RFPL1: variants seen among roughly 807,000 people sequenced by gnomAD.
RFPL1 encodes ret finger protein-like 1.
Under a neutral mutation model 9.6 loss-of-function variants are expected in RFPL1, and 6 were observed. The observed-to-expected ratio is 0.62, with a 90% CI of 0.34 to 1.23. The LOEUF (loss-of-function observed/expected upper bound fraction) is 1.23, where lower values mean the gene tolerates loss of function less well. RFPL1 is among the 50% of genes most tolerant of loss of function. The pLI is 0.03. For missense variants in RFPL1, 352 were observed against 398.4 expected (o/e 0.88, Z 0.99); for synonymous variants, 145 against 149.4 (o/e 0.97, Z 0.22).
chr22:29,411,918 G>T, the RFPL1 span, among the ~76,000 whole-genome samples: 1 of 152,212 alleles, frequency 6.6e-6, no homozygotes, highest in Non-Finnish European at 1.5e-5. Context: ...GTTTCACCAT[G>T]TTGGCCAGGC....
At chr22:29,433,049 C>T in the RFPL1 span, 1 of 152,166 alleles carries the variant, frequency 6.6e-6, no homozygotes, top group African/African-American at 2.4e-5. Flanking sequence ...AATCCCAGCA[C>T]TTTGGGAGTC....
At chr22:29,436,366 G>A (rs144466496), upstream of RFPL1, among the ~76,000 whole-genome samples, 398 of 152,060 alleles carry the variant, frequency 2.6e-3, 9 homozygotes, top group East Asian at 0.06. Flanking sequence ...CGAGGCAGGC[G>A]GGTTACCTGA....
the RFPL1 span, among the ~76,000 whole-genome samples, chr22:29,424,509 G>T: frequency 1.3e-5 from 2 of 152,096 alleles, no homozygotes; most frequent in South Asian, 4.2e-4. Flanking sequence ...TGCATAATTT[G>T]CCCAAGGTCA....
rs73405050 is a variant in RFPL1, at chr22:29,439,198, G to A, written c.373+34G>A. 3,190 of 1,588,958 alleles carry A rather than the reference G, an allele frequency of 2.0e-3. 53 individuals carry two copies. The African/African-American group carries it at 0.039, about 19-fold the overall frequency. ...TCTGTATACACTGCCCCCTTCCTACGACCAGACCAGGAAAAATCATCTGTG... is the reference window on the plus strand; with the variant it reads ...TCTGTATACACTGCCCCCTTCCTACAACCAGACCAGGAAAAATCATCTGTG... On this transcript the variant is annotated intron_variant, in intron 1 of 1. Transcript: ENST00000354373.
the RFPL1 span, among the ~76,000 whole-genome samples, chr22:29,432,060 C>T: frequency 5.9e-5 from 9 of 152,276 alleles, no homozygotes; most frequent in African/African-American, 2.2e-4. Context: ...GCGCATTTTA[C>T]ACTGAAGGTG....
the RFPL1 span, among the ~76,000 whole-genome samples, chr22:29,408,575 G>T: frequency 6.6e-6 from 1 of 152,204 alleles, no homozygotes. Context: ...ATTGTAAGAT[G>T]TATTTCTTTC....
At chr22:29,389,462 G>A in the RFPL1 span, among the ~76,000 whole-genome samples, 1 of 151,396 alleles carries the variant, frequency 6.6e-6, no homozygotes, top group Non-Finnish European at 1.5e-5. Context: ...CGAGGCGGGC[G>A]GATCACAAGG....
the RFPL1 span, among the ~76,000 whole-genome samples, chr22:29,420,107 A>C: frequency 2.0e-5 from 3 of 152,230 alleles, no homozygotes; most frequent in Non-Finnish European, 4.4e-5. Context: ...TCAAACCTCT[A>C]AGACAGCTTG....
chr22:29,392,387 T>G, the RFPL1 span, among the ~76,000 whole-genome samples: 1 of 109,264 alleles, frequency 9.2e-6, no homozygotes, highest in Non-Finnish European at 1.8e-5. Context: ...GCTTTTTTTT[T>G]TTTTTTTTTT....
At chr22:29,435,210 C>T (rs1025814658), upstream of RFPL1, among the ~76,000 whole-genome samples, 50 of 152,168 alleles carry the variant, frequency 3.3e-4, no homozygotes, top group South Asian at 2.1e-3. Context: ...TTTTATGGGC[C>T]GTGGCTCCGT....
intron 1 of RFPL1, chr22:29,440,444 T>A (rs2062832603): frequency 6.6e-6 from 1 of 152,240 alleles, no homozygotes; most frequent in Admixed American, 6.5e-5. Context: ...TTAGGCCAGA[T>A]CACACTGCCT....
At chr22:29,419,558 G>A in the RFPL1 span, among the ~76,000 whole-genome samples, 1 of 151,958 alleles carries the variant, frequency 6.6e-6, no homozygotes, top group Non-Finnish European at 1.5e-5. Flanking sequence ...TAATCCCAGC[G>A]CTTTGGGAGG....
chr22:29,402,875 C>A, the RFPL1 span, among the ~76,000 whole-genome samples: 3 of 138,760 alleles, frequency 2.2e-5, no homozygotes, highest in Non-Finnish European at 4.5e-5. Flanking sequence ...CACAGAGGGA[C>A]AGGGTGGCCA....
At chr22:29,389,804 G>T in the RFPL1 span, among the ~76,000 whole-genome samples, 993 of 138,410 alleles carry the variant, frequency 7.2e-3, 10 homozygotes, top group African/African-American at 0.024. Context: ...GTTTTTTTTT[G>T]TTTGTTTGTT....
the RFPL1 span, among the ~76,000 whole-genome samples, chr22:29,419,766 T>C: frequency 7.6e-6 from 1 of 131,070 alleles, no homozygotes; most frequent in South Asian, 2.4e-4. Flanking sequence ...ACCACTACAC[T>C]CCAGCCTGGG....
the RFPL1 span, among the ~76,000 whole-genome samples, chr22:29,425,439 C>G: frequency 6.6e-6 from 1 of 152,138 alleles, no homozygotes; most frequent in Non-Finnish European, 1.5e-5. Flanking sequence ...GGTCCTGGGA[C>G]CAACCCTTAG....
chr22:29,439,052 G>A, exon 1 of RFPL1: 1 of 1,614,154 alleles, frequency 6.2e-7, no homozygotes. Context: ...TCTCTCAGAA[G>A]AACAAAATCA....
chr22:29,434,342 G>C (rs917524687), upstream of RFPL1: 6 of 152,262 alleles, frequency 3.9e-5, no homozygotes, highest in African/African-American at 1.4e-4. Flanking sequence ...AGAGGGATTT[G>C]TTACAATTCT....
the RFPL1 span, among the ~76,000 whole-genome samples, chr22:29,431,882 T>TG: frequency 1.3e-5 from 2 of 152,058 alleles, no homozygotes; most frequent in African/African-American, 2.4e-5. Context: ...TTAGTAGAGA[T>TG]GGGGTTTCAC....
Sources: gnomAD v4.1 joint callset for allele counts (sites outside exome capture counted in the v4.1 genomes callset) on GRCh38, gnomAD v4.1.1 for gene constraint, MANE v1.5 for transcripts, NCBI Gene and HGNC (gene_info 2026-07-23, HGNC 2026-07-21) for gene names.